The following TNFRSF21 variants were observed in gnomAD, a reference collection of about 807,000 sequenced individuals.
TNFRSF21 encodes the protein TNF receptor superfamily member 21, also known as tumor necrosis factor receptor superfamily member 21.
Under a neutral mutation model 45.6 loss-of-function variants are expected in TNFRSF21, and 19 were observed. The ratio of observed to expected loss-of-function variants is 0.42; its 90% confidence interval spans 0.29 to 0.61. The LOEUF is 0.61. Among genes scored for constraint, TNFRSF21 ranks in the 20% least tolerant of loss-of-function variants. The probability of loss-of-function intolerance (pLI) is 0.23; values close to 1 mark genes in which losing one functional copy is unlikely to be tolerated. For missense variants in TNFRSF21, 737 were observed against 851.5 expected, an observed-to-expected ratio of 0.87 and a Z score of 1.67; for synonymous variants, 314 against 335.5, an observed-to-expected ratio of 0.94 and a Z score of 0.70.
chr6:47,252,298 G>A (rs1305036610), intron 4 of TNFRSF21, among the ~76,000 whole-genome samples: 1 of 152,154 alleles, frequency 6.6e-6, no homozygotes, highest in South Asian at 2.1e-4. Context: ...ACACAGACCG[G>A]CCCTTTAAAT....
At chr6:47,262,585 A>G (rs1228470664) in intron 3 of TNFRSF21, among the ~76,000 whole-genome samples, 3 of 152,232 alleles carry the variant, frequency 2.0e-5, no homozygotes, top group Non-Finnish European at 4.4e-5. Context: ...AAGCAGGTAA[A>G]GAGGATAGGG....
intron 4 of TNFRSF21, among the ~76,000 whole-genome samples, chr6:47,248,625 A>ATTT (rs1294020564): frequency 1.2e-4 from 19 of 152,224 alleles, no homozygotes; most frequent in Admixed American, 1.2e-3. Flanking sequence ...GCCTAGGAAC[A>ATTT]TGTGCTCAGG....
chr6:47,296,498 G>T (rs2113868745), intron 1 of TNFRSF21, among the ~76,000 whole-genome samples: 1 of 152,272 alleles, frequency 6.6e-6, no homozygotes, highest in South Asian at 2.1e-4. Context: ...GGGCTGCTAG[G>T]TAGCTTCTGG....
intron 3 of TNFRSF21, among the ~76,000 whole-genome samples, chr6:47,264,591 G>A (rs1391830305): frequency 3.9e-5 from 6 of 152,154 alleles, no homozygotes; most frequent in Admixed American, 3.9e-4. Context: ...GGTCTGAGGA[G>A]AATCACAGTC....
At chr6:47,285,489 C>A (rs376717959) in intron 2 of TNFRSF21, among the ~76,000 whole-genome samples, 1 of 152,258 alleles carries the variant, frequency 6.6e-6, no homozygotes, top group Middle Eastern at 3.4e-3. Context: ...CTCTCGCTTC[C>A]GGATGTAATG....
intron 1 of TNFRSF21, among the ~76,000 whole-genome samples, chr6:47,308,962 T>C (rs985151165): frequency 4.6e-5 from 7 of 152,102 alleles, no homozygotes; most frequent in South Asian, 2.1e-4. Flanking sequence ...CATCCCGACA[T>C]GACATTGCAG....
chr6:47,280,446 GAGACT>G (rs1409954147), intron 3 of TNFRSF21, among the ~76,000 whole-genome samples: 1 of 152,156 alleles, frequency 6.6e-6, no homozygotes, highest in Non-Finnish European at 1.5e-5. Flanking sequence ...TTGCATGTTT[GAGACT>G]AGCAATTTGG....
chr6:47,265,672 T>G (rs550789303), intron 3 of TNFRSF21, among the ~76,000 whole-genome samples: 151 of 152,330 alleles, frequency 9.9e-4, no homozygotes, highest in Non-Finnish European at 1.7e-3. Flanking sequence ...GACATGGCAC[T>G]CAGGAAGCAT....
chr6:47,298,179 G>A (rs1033009559), intron 1 of TNFRSF21, among the ~76,000 whole-genome samples: 4 of 151,516 alleles, frequency 2.6e-5, no homozygotes, highest in East Asian at 3.9e-4. Context: ...ATGATTCTAC[G>A]GTCTTAAAAG....
At chr6:47,235,562 T>G (rs1010770285) in intron 4 of TNFRSF21, among the ~76,000 whole-genome samples, 2 of 152,294 alleles carry the variant, frequency 1.3e-5, no homozygotes, top group African/African-American at 4.8e-5. Flanking sequence ...GTTTAAGCCA[T>G]GCAGTCTGCG....
At position 47,309,583 on chromosome 6, in the gene TNFRSF21, G is replaced by GCGCCGCATCCAC; in HGVS notation, c.-84_-73dup. The GCGCCGCATCCAC allele has an allele frequency of 7.3e-7, 1 of 1,373,354 alleles. No individual in the cohort carries two copies. The highest frequency in any genetic ancestry group is 1.5e-5 in the African/African-American group (1 of 65,122). The allele number at this position is 1,373,354 out of a possible 1,614,324, so 85.1% of individuals were successfully genotyped here. ...TGGAATCGGCGGCTGCTTCTGCCCA[G>GCGCCGCATCCAC]CGCCGCATCCACCGCCGCCTCCCGG... On this transcript the variant is annotated 5_prime_UTR_variant, in exon 1 of 6. It adds an upstream start codon to the 5' untranslated region. Transcript: ENST00000296861.
At chr6:47,306,029 A>G (rs6939330) in intron 1 of TNFRSF21, among the ~76,000 whole-genome samples, 1,814 of 152,316 alleles carry the variant, frequency 0.012, 32 homozygotes, top group African/African-American at 0.041. Flanking sequence ...GAATAGTACA[A>G]TTGGTAAAGT....
intron 3 of TNFRSF21, among the ~76,000 whole-genome samples, chr6:47,259,318 C>T (rs1169807585): frequency 2.0e-5 from 3 of 151,932 alleles, no homozygotes; most frequent in African/African-American, 7.3e-5. Context: ...TGAAAAGTAA[C>T]ACAACCCTCA....
chr6:47,269,328 C>T (rs1189971964), intron 3 of TNFRSF21, among the ~76,000 whole-genome samples: 4 of 152,106 alleles, frequency 2.6e-5, no homozygotes, highest in African/African-American at 7.2e-5. Context: ...TGAAAACAAA[C>T]ACTATATTAC....
chr6:47,299,632 C>G (rs1762839064), intron 1 of TNFRSF21, among the ~76,000 whole-genome samples: 1 of 152,088 alleles, frequency 6.6e-6, no homozygotes, highest in Non-Finnish European at 1.5e-5. Context: ...ATAGTTATGA[C>G]AGAGGGCTAC....
chr6:47,261,460 T>A (rs1765072913), intron 3 of TNFRSF21, among the ~76,000 whole-genome samples: 1 of 152,214 alleles, frequency 6.6e-6, no homozygotes, highest in Non-Finnish European at 1.5e-5. Context: ...CGTCATCTCA[T>A]TAGCTTCTGT....
At chr6:47,239,775 C>T (rs1764719816) in intron 4 of TNFRSF21, among the ~76,000 whole-genome samples, 1 of 152,106 alleles carries the variant, frequency 6.6e-6, no homozygotes, top group Non-Finnish European at 1.5e-5. Context: ...TAGGTTAGAC[C>T]AGGTCACTTC....
intron 3 of TNFRSF21, among the ~76,000 whole-genome samples, chr6:47,275,783 G>A (rs567526581): frequency 7.9e-5 from 12 of 152,154 alleles, no homozygotes; most frequent in South Asian, 4.1e-4. Context: ...GCCCTCACAC[G>A]TTCAAAAGCC....
At chr6:47,254,107 A>T (rs1226434802) in intron 3 of TNFRSF21, among the ~76,000 whole-genome samples, 2 of 152,124 alleles carry the variant, frequency 1.3e-5, no homozygotes, top group South Asian at 2.1e-4. Flanking sequence ...TATCAGCATC[A>T]CTCCTCTCGA....
Sources: allele counts gnomAD v4.1 joint callset (sites outside exome capture counted in the v4.1 genomes callset), GRCh38; gene constraint gnomAD v4.1.1; transcripts MANE v1.5; gene names NCBI Gene and HGNC (gene_info 2026-07-23, HGNC 2026-07-21).